Variants in ABL2 observed in about 807,000 individuals in gnomAD.
The protein encoded by ABL2 is ABL proto-oncogene 2, non-receptor tyrosine kinase.
ABL2 carries 49 observed loss-of-function variants against 107.7 expected under a neutral mutation model. That is an observed-to-expected ratio of 0.45 (90% confidence interval 0.36 to 0.58). ABL2 has a LOEUF of 0.58. ABL2 is among the 20% of genes least tolerant of loss of function. ABL2 has a pLI of 0.00. For missense variants in ABL2, 1,245 were observed against 1,457.0 expected (o/e 0.85, Z 2.37); for synonymous variants, 549 against 548.6 (o/e 1.00, Z -0.01).
In ABL2 at chr1:179,229,642, C is replaced by CGCCGCT. The variant is rs1663451010; in HGVS notation, c.-246_-245insAGCGGC. 3 of 503,700 alleles carry CGCCGCT rather than the reference C, an allele frequency of 6.0e-6. No individual in the cohort carries two copies. The highest frequency in any genetic ancestry group is 1.0e-5 in the Non-Finnish European group (3 of 291,420). The allele number at this position is 503,700 out of a possible 1,614,324, so 31.2% of individuals were successfully genotyped here. A position where few individuals can be genotyped will look rare whatever the true frequency, so the allele number is the denominator to read the frequency against. ...GGCTCCGCGCCCCCAACGCCGCCGCCGCCGCCGCCGCCACCGCCGCCGCCA... is the reference window on the plus strand; with the variant it reads ...GGCTCCGCGCCCCCAACGCCGCCGCCGCCGCTGCCGCCGCCGCCACCGCCGCCGCCA... On this transcript the variant is annotated 5_prime_UTR_variant, in exon 1 of 12. Coordinates refer to ENST00000502732, the MANE Select transcript of ABL2 (RefSeq NM_007314.4).
rs192492031 is a variant in ABL2 at position 179,180,488 on chromosome 1, G to A, written c.158-47114C>T. Among the ~76,000 whole-genome samples, 25 of 152,212 alleles carry A rather than the reference G, an allele frequency of 1.6e-4. No homozygotes were observed. The Middle Eastern group carries it at 0.014, about 83-fold the overall frequency. On this transcript the variant is annotated intron_variant, in intron 1 of 11. Transcript: ENST00000502732. ...TACTGAATGAGACTCTGCTGCTAAG[G>A]CCTACCACCTCTCTACCCCCATGTT...
chr1:179,189,620 AGAG>A (rs1434661220), intron 1 of ABL2, among the ~76,000 whole-genome samples: 2 of 152,178 alleles, frequency 1.3e-5, no homozygotes, highest in South Asian at 2.1e-4. Context: ...CCAAACGGTA[AGAG>A]GAGTCTGAGG....
At chr1:179,189,262 A>C (rs756068233) in intron 1 of ABL2, among the ~76,000 whole-genome samples, 9 of 152,066 alleles carry the variant, frequency 5.9e-5, no homozygotes, top group Non-Finnish European at 1.3e-4. Context: ...CAGCCTCCCG[A>C]GTAGCTGGGA....
chr1:179,214,294 A>G (rs1424124320), intron 1 of ABL2, among the ~76,000 whole-genome samples: 1 of 152,002 alleles, frequency 6.6e-6, no homozygotes, highest in Non-Finnish European at 1.5e-5. Context: ...AAATTAACCT[A>G]TAATTTGATA....
chr1:179,174,910 AAAATAAAAAAAAT>A (rs1659953013), intron 1 of ABL2, among the ~76,000 whole-genome samples: 1 of 91,372 alleles, frequency 1.1e-5, no homozygotes, highest in African/African-American at 3.4e-5. Context: ...AAAAAAAAAT[AAAATAAAAAAAAT>A]AATAATAATA....
chr1:179,191,142 C>T (rs76638516), intron 1 of ABL2, among the ~76,000 whole-genome samples: 3 of 152,242 alleles, frequency 2.0e-5, no homozygotes, highest in African/African-American at 7.2e-5. Context: ...AAAGAAAACC[C>T]AGAATGATGA....
intron 2 of ABL2, 70 bp from the exon 3 acceptor site, chr1:179,131,551 T>C: frequency 2.0e-6 from 3 of 1,480,246 alleles, no homozygotes; most frequent in East Asian, 2.3e-5. Flanking sequence ...GAATTCATTA[T>C]ATACACAGTA....
chr1:179,158,998 T>C (rs2102747568), intron 1 of ABL2, among the ~76,000 whole-genome samples: 1 of 152,334 alleles, frequency 6.6e-6, no homozygotes, highest in Admixed American at 6.5e-5. Flanking sequence ...AATAGCTGCA[T>C]GGCAGCTGTT....
intron 1 of ABL2, among the ~76,000 whole-genome samples, chr1:179,158,263 G>C (rs897936670): frequency 3.9e-5 from 6 of 152,150 alleles, no homozygotes; most frequent in African/African-American, 7.2e-5. Context: ...ATATCCAAGA[G>C]CAATTTAGAA....
rs1482275890 is a variant in ABL2, at chr1:179,126,159, CT to C, written c.687+217del. On this transcript the variant is annotated intron_variant, in intron 4 of 11. Coordinates refer to ENST00000502732, the MANE Select transcript of ABL2 (RefSeq NM_007314.4). The surrounding 1 kb of genome is among the most constrained non-coding windows in gnomAD (Gnocchi z 4.4). ...TTCTTCACCTTCAAATCTAGCTTATCTTTAAAATATTAATATAATACTGTTT... is the reference window on the plus strand; with the variant it reads ...TTCTTCACCTTCAAATCTAGCTTATCTTAAAATATTAATATAATACTGTTT... Among the ~76,000 whole-genome samples, 1 of 152,122 alleles carries C rather than the reference CT, an allele frequency of 6.6e-6. No individual in the cohort carries two copies. The highest frequency in any genetic ancestry group is 1.5e-5 in the Non-Finnish European group (1 of 68,024).
At chr1:179,133,395 C>A (rs1342348681) in intron 1 of ABL2, 21 bp from the exon 2 acceptor site, 10 of 1,613,902 alleles carry the variant, frequency 6.2e-6, no homozygotes, top group Non-Finnish European at 8.5e-6. Flanking sequence ...AAAAAATTGA[C>A]CACGTCACTT....
rs771928759 is a variant in ABL2 at position 179,107,578 on chromosome 1, G to T, written c.*140C>A. On this transcript the variant is annotated 3_prime_UTR_variant, in exon 12 of 12. Transcript: ENST00000502732. ...TTTTGAGATGAAACTGTAAACGTGAGAACTCAGGGATCTGAGGTACTTCAC... is the reference window on the plus strand; with the variant it reads ...TTTTGAGATGAAACTGTAAACGTGATAACTCAGGGATCTGAGGTACTTCAC... 158 of 1,440,412 alleles carry T rather than the reference G, an allele frequency of 1.1e-4. No homozygotes were observed. The highest frequency in any genetic ancestry group is 1.4e-4 in the Non-Finnish European group (152 of 1,088,710). 89.2% of individuals were successfully genotyped at this position (1,440,412 alleles called of 1,614,324 possible).
intron 1 of ABL2, among the ~76,000 whole-genome samples, chr1:179,199,731 CTTTTT>C (rs55794608): frequency 0.31 from 41,963 of 136,108 alleles, 6,513 homozygotes; most frequent in East Asian, 0.43. Context: ...ACACTTTTTC[CTTTTT>C]TTTTTTTTTT....
Position 179,205,401 on chromosome 1 carries a change from G to A in ABL2, c.157+23840C>T, listed in dbSNP as rs143382646. ...AAACTACACTTTCTCCATGCCCCCC[G>A]GCATTACATGAGACCACATGACTTG... On this transcript the variant is annotated intron_variant, in intron 1 of 11. Coordinates refer to ENST00000502732, the MANE Select transcript of ABL2 (RefSeq NM_007314.4). Among the ~76,000 whole-genome samples, 832 of 152,236 alleles carry A rather than the reference G, an allele frequency of 5.5e-3. 7 individuals are homozygous for A. Among genetic ancestry groups the A allele is most frequent in the African/African-American group, 0.019 (784 of 41,528 alleles).
rs1653355862 is a variant in ABL2, at chr1:179,104,663, G to A, written c.*3055C>T. The A allele has an allele frequency of 4.8e-6, 1 of 207,420 alleles. No individual in the cohort carries two copies. The highest frequency in any genetic ancestry group is 2.3e-5 in the African/African-American group (1 of 43,844). The allele number at this position is 207,420 out of a possible 1,614,324, so 12.8% of individuals were successfully genotyped here. A position where few individuals can be genotyped will look rare whatever the true frequency, so the allele number is the denominator to read the frequency against. On this transcript the variant is annotated 3_prime_UTR_variant, in exon 12 of 12. Coordinates refer to ENST00000502732, the MANE Select transcript of ABL2 (RefSeq NM_007314.4). ...AAAGCCTTTTAAGAAAATACTTTAG[G>A]TAAAGCACAATCAAGATGTATTCAA...
In ABL2 at chr1:179,121,846, G is replaced by A. The variant is rs781311580; in HGVS notation, c.709C>T (p.Arg237Cys). 29 of 1,613,124 alleles carry A rather than the reference G, an allele frequency of 1.8e-5. No homozygotes were observed. The highest frequency in any genetic ancestry group is 6.7e-5 in the East Asian group (3 of 44,854). Residue 237 changes from arginine to cysteine, a missense_variant, in exon 5 of 12, where the codon CGC becomes TGC. Physicochemically the swap from Arg to Cys is radical, Grantham distance 180. Transcript: ENST00000502732. ...DGKVYVTAES[R>C]FSTLAELVHH... Reference sequence around the variant, plus strand: ...ACAAGCTCTGCCAAGGTGCTGAAGCGGCTCTCAGCAGTCACATACACCTGG... The same window carrying A: ...ACAAGCTCTGCCAAGGTGCTGAAGCAGCTCTCAGCAGTCACATACACCTGG...
Position 179,126,549 on chromosome 1 carries a change from G to A in ABL2, c.515C>T (p.Ser172Phe). The A allele has an allele frequency of 6.2e-7, 1 of 1,614,166 alleles. No individual in the cohort carries two copies. The highest frequency in any genetic ancestry group is 2.2e-5 in the East Asian group (1 of 44,880). The change falls in exon 4 of 12, where the codon TCC (serine) becomes TTC (phenylalanine). Residue 172 changes from serine (S) to phenylalanine (F), a missense_variant. Coordinates refer to ENST00000502732, the MANE Select transcript of ABL2 (RefSeq NM_007314.4). This position sits in a 1 kb window ranked among gnomAD's most constrained non-coding sequence, Gnocchi z 4.4. ...ITPVNSLEKH[S>F]WYHGPVSRSA... The stretch of plus-strand genomic sequence containing the variant: ...GCGTGACACAGGTCCATGGTACCAG[G>A]AGTGTTTTTCCAGGCTGTTCACTGG...
chr1:179,118,822 A>T, intron 6 of ABL2, 58 bp from the exon 7 acceptor site: 3 of 1,535,894 alleles, frequency 2.0e-6, no homozygotes, highest in Non-Finnish European at 1.8e-6. Flanking sequence ...ACTCCAAACC[A>T]CTTTGGCCAA....
At chr1:179,136,709 A>AAATAAATAAAT (rs1657031861) in intron 1 of ABL2, among the ~76,000 whole-genome samples, 1 of 140,642 alleles carries the variant, frequency 7.1e-6, no homozygotes, top group Non-Finnish European at 1.5e-5. Context: ...TGATCAATAA[A>AAATAAATAAAT]AAATAAATAA....
Sources: gnomAD v4.1 joint callset for allele counts (sites outside exome capture counted in the v4.1 genomes callset) on GRCh38, gnomAD v4.1.1 for gene constraint, Gnocchi (gnomAD v3.1) non-coding constraint, MANE v1.5 for transcripts, NCBI Gene and HGNC (gene_info 2026-07-23, HGNC 2026-07-21) for gene names.